Variants in YAF2 observed in about 807,000 individuals in gnomAD.
YAF2 encodes YY1 associated factor 2.
In YAF2, 7 loss-of-function variants were observed where a neutral mutation model predicts 20.1. The ratio of observed to expected loss-of-function variants is 0.35; its 90% confidence interval spans 0.20 to 0.65. The LOEUF (loss-of-function observed/expected upper bound fraction) is 0.65, where lower values mean the gene tolerates loss of function less well. Among genes scored for constraint, YAF2 ranks in the 30% least tolerant of loss-of-function variants. YAF2 has a pLI of 0.69. For missense variants in YAF2, 151 were observed against 219.2 expected (o/e 0.69, Z 1.96); for synonymous variants, 74 against 76.0 (o/e 0.97, Z 0.14).
chr12:42,193,246 C>G (rs949509772), intron 2 of YAF2, among the ~76,000 whole-genome samples: 1 of 149,796 alleles, frequency 6.7e-6, no homozygotes, highest in Non-Finnish European at 1.5e-5. Flanking sequence ...ACTGGGGAGG[C>G]GGAGGCTGCA....
intron 2 of YAF2, among the ~76,000 whole-genome samples, chr12:42,168,723 C>CA (rs1341384580): frequency 6.6e-6 from 1 of 152,082 alleles, no homozygotes; most frequent in African/African-American, 2.4e-5. Flanking sequence ...AAAGTAGTTA[C>CA]AGTAAGCAGA....
intron 2 of YAF2, among the ~76,000 whole-genome samples, chr12:42,186,994 T>TA (rs1298375104): frequency 1.3e-5 from 2 of 152,138 alleles, no homozygotes; most frequent in Non-Finnish European, 2.9e-5. Context: ...AAATGAAACA[T>TA]ACTAAATGGG....
At chr12:42,228,273 G>C (rs2067829687) in intron 2 of YAF2, among the ~76,000 whole-genome samples, 1 of 62,472 alleles carries the variant, frequency 1.6e-5, no homozygotes. Flanking sequence ...GCCCGCGCCA[G>C]CCGCCCCGTC....
intron 2 of YAF2, among the ~76,000 whole-genome samples, chr12:42,213,251 T>C (rs150060440): frequency 3.0e-4 from 45 of 152,282 alleles, no homozygotes; most frequent in African/African-American, 1.0e-3. Context: ...GGCCTGACAA[T>C]AGACATGTGA....
chr12:42,224,975 T>C (rs990320796), intron 2 of YAF2, among the ~76,000 whole-genome samples: 11 of 152,232 alleles, frequency 7.2e-5, no homozygotes, highest in African/African-American at 2.7e-4. Context: ...ATGGTTGAAC[T>C]AATTTACACT....
chr12:42,227,960 C>A (rs1228489819), intron 2 of YAF2, among the ~76,000 whole-genome samples: 1 of 144,622 alleles, frequency 6.9e-6, no homozygotes, highest in Non-Finnish European at 1.5e-5. Flanking sequence ...CCACCCTGTC[C>A]GGGAGGGAGG....
chr12:42,236,088 T>C (rs558810612), intron 2 of YAF2: 29 of 1,448,552 alleles, frequency 2.0e-5, no homozygotes, highest in East Asian at 2.0e-4. Flanking sequence ...CAATAATATA[T>C]AGTACCAGAG....
chr12:42,222,387 T>C (rs1020574913), intron 2 of YAF2, among the ~76,000 whole-genome samples: 2 of 152,144 alleles, frequency 1.3e-5, no homozygotes, highest in Admixed American at 1.3e-4. Context: ...AACCTCTTTA[T>C]TAAAGACAAA....
At chr12:42,179,730 G>A (rs902584813) in intron 2 of YAF2, among the ~76,000 whole-genome samples, 1 of 138,914 alleles carries the variant, frequency 7.2e-6, no homozygotes, top group Non-Finnish European at 1.5e-5. Context: ...GCTGCAGTGA[G>A]CCATGACTGC....
chr12:42,198,797 C>G (rs1047730574), intron 2 of YAF2, among the ~76,000 whole-genome samples: 4 of 151,994 alleles, frequency 2.6e-5, no homozygotes, highest in Non-Finnish European at 5.9e-5. Context: ...ATCTGAGGTG[C>G]CTTTATTGAA....
intron 2 of YAF2, among the ~76,000 whole-genome samples, chr12:42,197,277 C>G (rs116079982): frequency 1.3e-5 from 2 of 152,114 alleles, no homozygotes; most frequent in Non-Finnish European, 2.9e-5. Flanking sequence ...GGCTATGAAC[C>G]CTCCTCTAAC....
At chr12:42,161,255 G>T (rs1019877512) in intron 3 of YAF2, 2 of 245,744 alleles carry the variant, frequency 8.1e-6, no homozygotes, top group Non-Finnish European at 1.6e-5. Flanking sequence ...ATGACTGAAC[G>T]CATGACCATT....
intron 2 of YAF2, among the ~76,000 whole-genome samples, chr12:42,191,671 T>C (rs1360403303): frequency 1.3e-5 from 2 of 152,158 alleles, no homozygotes; most frequent in Non-Finnish European, 2.9e-5. Context: ...CACTTAGTGT[T>C]AGGAATACAA....
intron 2 of YAF2, among the ~76,000 whole-genome samples, chr12:42,196,516 T>C (rs907888851): frequency 6.6e-6 from 1 of 152,072 alleles, no homozygotes; most frequent in Non-Finnish European, 1.5e-5. Context: ...ATAAATAAAG[T>C]TTATAGTAGT....
intron 2 of YAF2, among the ~76,000 whole-genome samples, chr12:42,176,758 T>C (rs1452890909): frequency 6.6e-6 from 1 of 151,930 alleles, no homozygotes; most frequent in Non-Finnish European, 1.5e-5. Flanking sequence ...GGTCAGAAGT[T>C]CAAGACCAGC....
chr12:42,225,911 A>G (rs2067678223), intron 2 of YAF2, among the ~76,000 whole-genome samples: 1 of 152,186 alleles, frequency 6.6e-6, no homozygotes, highest in Admixed American at 6.5e-5. Context: ...TAATTCTGTG[A>G]AGAAAGTCAA....
In YAF2 at chr12:42,158,583, A is replaced by C. The variant is rs1235834918; in HGVS notation, c.*2006T>G. 2.0e-5 allele frequency: 3 copies of C among 152,194 alleles called. No homozygotes were observed. Among genetic ancestry groups the C allele is most frequent in the African/African-American group, 7.2e-5 (3 of 41,460 alleles). The allele number at this position is 152,194 out of a possible 1,614,324, so 9.4% of individuals were successfully genotyped here. A position where few individuals can be genotyped will look rare whatever the true frequency, so the allele number is the denominator to read the frequency against. Reference sequence around the variant, plus strand: ...GATGGAAAGTAAGCTTGGGTAATTTAAGCTCATTTCCATTCTACAACAGGA... The same window carrying C: ...GATGGAAAGTAAGCTTGGGTAATTTCAGCTCATTTCCATTCTACAACAGGA... On this transcript the variant is annotated 3_prime_UTR_variant, in exon 4 of 4. Transcript: ENST00000534854.
At chr12:42,193,263 C>T (rs1008426926) in intron 2 of YAF2, among the ~76,000 whole-genome samples, 4 of 150,282 alleles carry the variant, frequency 2.7e-5, no homozygotes, top group African/African-American at 7.4e-5. Flanking sequence ...TGCAGTGAAC[C>T]GAGATTGCGC....
intron 2 of YAF2, chr12:42,235,969 A>G (rs1434560494): frequency 1.3e-6 from 2 of 1,536,116 alleles, no homozygotes; most frequent in South Asian, 1.2e-5. Flanking sequence ...GTGGAGTAGG[A>G]CACCAGCTTC....
Sources: allele counts gnomAD v4.1 joint callset (sites outside exome capture counted in the v4.1 genomes callset), GRCh38; gene constraint gnomAD v4.1.1; transcripts MANE v1.5; gene names NCBI Gene and HGNC (gene_info 2026-07-23, HGNC 2026-07-21).